Variants in KIAA0930 observed in about 807,000 individuals in gnomAD.
The protein encoded by KIAA0930 is uncharacterized protein KIAA0930.
Under a neutral mutation model 43.9 loss-of-function variants are expected in KIAA0930, and 24 were observed. That is an observed-to-expected ratio of 0.55 (90% CI 0.40 to 0.77). The LOEUF (loss-of-function observed/expected upper bound fraction) is 0.77, where lower values mean the gene tolerates loss of function less well. Among genes scored for constraint, KIAA0930 ranks in the 30% least tolerant of loss-of-function variants. The pLI is 0.00. For missense variants in KIAA0930, 461 were observed against 574.2 expected, an observed-to-expected ratio of 0.80 and a Z score of 2.02; for synonymous variants, 259 against 216.4, an observed-to-expected ratio of 1.20 and a Z score of -1.73.
intron 5 of KIAA0930, among the ~76,000 whole-genome samples, chr22:45,204,807 C>A (rs1472588923): frequency 2.0e-5 from 3 of 152,048 alleles, no homozygotes; most frequent in Non-Finnish European, 4.4e-5. Flanking sequence ...ACTCCGGAAA[C>A]CCCATCCCTC....
In KIAA0930 at chr22:45,209,038, G is replaced by A. The variant is rs374265965; in HGVS notation, c.216+2918C>T. On this transcript the variant is annotated intron_variant, in intron 2 of 9. Transcript: ENST00000336156. ...AGGGCTGGAGGAAACAGAGGGCAGG[G>A]AATCCAGGACATCCCTCCCTGGGAA... is the stretch of plus-strand genomic sequence containing the variant. Among the ~76,000 whole-genome samples, 23 of 152,350 alleles carry A rather than the reference G, an allele frequency of 1.5e-4. No homozygotes were observed. In the East Asian group the frequency reaches 3.7e-3, roughly 24 times the overall value.
intron 8 of KIAA0930, among the ~76,000 whole-genome samples, chr22:45,198,553 GT>G (rs2083557798): frequency 6.6e-6 from 1 of 152,262 alleles, no homozygotes; most frequent in South Asian, 2.1e-4. Flanking sequence ...GGTCCCAGTG[GT>G]CAGGACAAAG....
intron 1 of KIAA0930, among the ~76,000 whole-genome samples, chr22:45,214,263 A>G (rs2083717747): frequency 6.6e-6 from 1 of 152,228 alleles, no homozygotes; most frequent in Admixed American, 6.5e-5. Flanking sequence ...ACCAGCCACT[A>G]GCCACTCCTA....
Position 45,199,951 on chromosome 22 carries a change from G to A in KIAA0930, c.937C>T (p.Arg313Trp), listed in dbSNP as rs761596276. Residue 313 changes from arginine to tryptophan, a missense_variant, in exon 8 of 10, where the codon CGG (arginine) becomes TGG (tryptophan). By Grantham distance (101) the Arg-to-Trp change is moderately radical. Transcript: ENST00000336156. ...TTCTTCATCTCAGCGATCCGGTTCCGGGGCACCTTCCTCTTGAGGGATGGG... is the reference window on the plus strand; with the variant it reads ...TTCTTCATCTCAGCGATCCGGTTCCAGGGCACCTTCCTCTTGAGGGATGGG... ...FSPSLKRKVP[R>W]NRIAEMKKSH... 1.3e-5 allele frequency: 21 copies of A among 1,609,864 alleles called. No homozygotes were observed. Among genetic ancestry groups the A allele is most frequent in the East Asian group, 4.5e-5 (2 of 44,454 alleles).
chr22:45,205,923 C>T lies in KIAA0930; in HGVS notation c.217-11G>A. The stretch of plus-strand genomic sequence containing the variant: ...CTCAGGCTCAGCTGCCTGCGAGGCC[C>T]AGAGCAGAAGTGAGTGCCCAGGGCC... On this transcript the variant is annotated splice_polypyrimidine_tract_variant and intron_variant, in intron 2 of 9. Transcript: ENST00000336156. The T allele has an allele frequency of 6.2e-7, 1 of 1,612,128 alleles. No homozygotes were observed.
At chr22:45,239,658 T>A (rs2083905462) in intron 1 of KIAA0930, among the ~76,000 whole-genome samples, 1 of 152,184 alleles carries the variant, frequency 6.6e-6, no homozygotes, top group South Asian at 2.1e-4. Flanking sequence ...GATGCACTTG[T>A]TCTCTGGGAC....
At chr22:45,234,164 G>C (rs2083871785) in intron 1 of KIAA0930, among the ~76,000 whole-genome samples, 3 of 152,186 alleles carry the variant, frequency 2.0e-5, no homozygotes, top group African/African-American at 7.2e-5. Flanking sequence ...CTGAGGCCCG[G>C]CAAGCTGGGG....
chr22:45,233,937 G>A (rs1008477297), intron 1 of KIAA0930, among the ~76,000 whole-genome samples: 2 of 152,230 alleles, frequency 1.3e-5, no homozygotes, highest in Non-Finnish European at 2.9e-5. Context: ...GCCTCCAGAA[G>A]ACAGAAGAGC....
rs1601812125 is a variant in KIAA0930 at position 45,205,688 on chromosome 22, C to T, written c.356G>A (p.Cys119Tyr). The T allele has an allele frequency of 6.2e-7, 1 of 1,614,152 alleles. No individual in the cohort carries two copies. Among genetic ancestry groups the T allele is most frequent in the Middle Eastern group, 1.7e-4 (1 of 6,060 alleles). ...ILQKLDYMVT[C>Y]AVCTRADGGD... Reference sequence around the variant, plus strand: ...GCCGTCAGCACGTGTGCACACCGCACAGGTCACCATGTAGTCCAGCTGGAA... The same window carrying T: ...GCCGTCAGCACGTGTGCACACCGCATAGGTCACCATGTAGTCCAGCTGGAA... The change falls in exon 4 of 10, where the codon TGT becomes TAT. Residue 119 changes from cysteine (C) to tyrosine (Y), a missense_variant. Coordinates refer to ENST00000336156, the MANE Select transcript of KIAA0930 (RefSeq NM_001009880.2).
intron 1 of KIAA0930, chr22:45,212,336 GAGCCCATGCTCCC>G: frequency 6.2e-7 from 1 of 1,611,884 alleles, no homozygotes; most frequent in South Asian, 1.1e-5. Context: ...AGCAGCCTGA[GAGCCCATGCTCCC>G]AGCCCCACAG....
chr22:45,199,513 G>C (rs536007097), intron 8 of KIAA0930, among the ~76,000 whole-genome samples: 1 of 152,170 alleles, frequency 6.6e-6, no homozygotes, highest in Non-Finnish European at 1.5e-5. Context: ...CCTCTCTCCC[G>C]CCACACCCCG....
rs1312609229 is a variant in KIAA0930, at chr22:45,229,167, CGG to C, written c.64+11471_64+11472del. ...CACCTGAGAGATCCCTCTCCACCCC[CGG>C]CACCACCAGTCACCCGAAAGATCCC... On this transcript the variant is annotated intron_variant, in intron 1 of 9. Coordinates refer to ENST00000336156, the MANE Select transcript of KIAA0930 (RefSeq NM_001009880.2). Among the ~76,000 whole-genome samples, 131 of 28,502 alleles carry C rather than the reference CGG, an allele frequency of 4.6e-3. 46 individuals carry two copies. In the East Asian group the frequency reaches 0.05, roughly 11 times the overall value. 18.7% of individuals were successfully genotyped at this position (28,502 alleles called of 152,430 possible).
rs1398218782 is a variant in KIAA0930, at chr22:45,193,717, C to CA, written c.*3458dup. The CA allele has an allele frequency of 6.6e-6, 1 of 152,194 alleles. No homozygotes were observed. The highest frequency in any genetic ancestry group is 1.5e-5 in the Non-Finnish European group (1 of 68,030). The allele number at this position is 152,194 out of a possible 1,614,324, so 9.4% of individuals were successfully genotyped here. A position where few individuals can be genotyped will look rare whatever the true frequency, so the allele number is the denominator to read the frequency against. On this transcript the variant is annotated 3_prime_UTR_variant, in exon 10 of 10. Coordinates refer to ENST00000336156, the MANE Select transcript of KIAA0930 (RefSeq NM_001009880.2). ...CTTTTGTTCTCTTCTGACTACCTGTCACTCATGTTTTAAATAATCTTCTTT... is the reference window on the plus strand; with the variant it reads ...CTTTTGTTCTCTTCTGACTACCTGTCAACTCATGTTTTAAATAATCTTCTTT...
chr22:45,197,522 C>T (rs555908460), intron 9 of KIAA0930, among the ~76,000 whole-genome samples: 4 of 152,180 alleles, frequency 2.6e-5, no homozygotes, highest in African/African-American at 4.8e-5. Context: ...TCCCCTCGCC[C>T]GTGAGTAACA....
intron 1 of KIAA0930, among the ~76,000 whole-genome samples, chr22:45,218,333 ATTTTTTTTTTT>A (rs752298111): frequency 7.7e-5 from 4 of 51,704 alleles, no homozygotes; most frequent in Admixed American, 2.9e-4. Context: ...AATTTTTTTG[ATTTTTTTTTTT>A]TTTTTTTTTT....
intron 7 of KIAA0930, among the ~76,000 whole-genome samples, chr22:45,200,741 G>A (rs558678132): frequency 3.7e-4 from 56 of 152,356 alleles, no homozygotes; most frequent in Non-Finnish European, 7.3e-4. Context: ...GCACATTGCA[G>A]GTCCCTGCCC....
intron 1 of KIAA0930, among the ~76,000 whole-genome samples, chr22:45,218,333 A>ATTTTTTTTT (rs752298111): frequency 1.2e-3 from 63 of 51,708 alleles, no homozygotes; most frequent in Non-Finnish European, 1.3e-3. Flanking sequence ...AATTTTTTTG[A>ATTTTTTTTT]TTTTTTTTTT....
At chr22:45,224,581 C>G (rs2083787202) in intron 1 of KIAA0930, among the ~76,000 whole-genome samples, 1 of 152,218 alleles carries the variant, frequency 6.6e-6, no homozygotes, top group Non-Finnish European at 1.5e-5. Context: ...CATGCGGTCC[C>G]TGCTGCCCCC....
In KIAA0930 at chr22:45,207,369, C is replaced by T. The variant is rs1169612729; in HGVS notation, c.217-1457G>A. On this transcript the variant is annotated intron_variant, in intron 2 of 9. Coordinates refer to ENST00000336156, the MANE Select transcript of KIAA0930 (RefSeq NM_001009880.2). ...ATGAAGTCTTGCTTTGTCACCCGGG[C>T]TGGAGTACAGTGGCACAATCTTGGC... is the stretch of plus-strand genomic sequence containing the variant. Among the ~76,000 whole-genome samples the T allele has an allele frequency of 6.0e-5, 9 of 150,052 alleles. No homozygotes were observed. The East Asian group carries it at 1.8e-3, about 30-fold the overall frequency.
Sources: allele counts gnomAD v4.1 joint callset (sites outside exome capture counted in the v4.1 genomes callset), GRCh38; gene constraint gnomAD v4.1.1; transcripts MANE v1.5; gene names NCBI Gene and HGNC (gene_info 2026-07-23, HGNC 2026-07-21).